Variants in ARHGAP32 observed in about 807,000 individuals in gnomAD.
ARHGAP32 encodes the protein Rho GTPase activating protein 32, also known as rho GTPase-activating protein 32.
ARHGAP32 carries 51 observed loss-of-function variants against 186.5 expected under a neutral mutation model. The ratio of observed to expected loss-of-function variants is 0.27; its 90% confidence interval spans 0.22 to 0.35. The LOEUF is 0.35. Among genes scored for constraint, ARHGAP32 ranks in the 10% least tolerant of loss-of-function variants. The pLI is 1.00. For missense variants in ARHGAP32, 2,186 were observed against 2,623.5 expected (o/e 0.83, Z 3.64); for synonymous variants, 950 against 964.3 (o/e 0.99, Z 0.27).
At chr11:129,163,400 T>C (rs1171629773) in intron 2 of ARHGAP32, among the ~76,000 whole-genome samples, 2 of 152,162 alleles carry the variant, frequency 1.3e-5, no homozygotes, top group Admixed American at 6.6e-5. Flanking sequence ...CTCAAATGTA[T>C]TACGTGAAAA....
At chr11:129,146,965 T>C (rs189063721) in intron 2 of ARHGAP32, among the ~76,000 whole-genome samples, 1 of 152,122 alleles carries the variant, frequency 6.6e-6, no homozygotes, top group East Asian at 1.9e-4. Context: ...TAGATTATTA[T>C]TGAGAAAAAA....
In ARHGAP32 at chr11:129,149,913, A is replaced by G. The variant is rs969945927; in HGVS notation, c.225+14406T>C. On this transcript the variant is annotated intron_variant, in intron 2 of 22. Transcript: ENST00000682385. ...TTTTTAGAAAATACAGGATATAGAT[A>G]GGAAATTCTCCAGAGAAATAGGTAT... Among the ~76,000 whole-genome samples the G allele has an allele frequency of 2.6e-5, 4 of 152,256 alleles. No homozygotes were observed. The South Asian group carries it at 8.3e-4, about 32-fold the overall frequency.
At chr11:129,252,731 T>C (rs958759522) in intron 1 of ARHGAP32, among the ~76,000 whole-genome samples, 5 of 152,156 alleles carry the variant, frequency 3.3e-5, no homozygotes, top group African/African-American at 1.2e-4. Context: ...TAAATGACTA[T>C]TAACCGTAAA....
intron 1 of ARHGAP32, among the ~76,000 whole-genome samples, chr11:129,254,736 A>G (rs1330767979): frequency 1.3e-5 from 2 of 152,144 alleles, no homozygotes; most frequent in African/African-American, 4.8e-5. Flanking sequence ...TGATAAAGGA[A>G]ACAACTGGTT....
At chr11:129,064,176 T>C (rs1332144098) in intron 8 of ARHGAP32, among the ~76,000 whole-genome samples, 152 bp from the exon 9 acceptor site, 2 of 151,158 alleles carry the variant, frequency 1.3e-5, no homozygotes, top group Admixed American at 6.6e-5. Flanking sequence ...AGTAAAAATA[T>C]GCTAGTCATT....
At chr11:129,019,790 C>T (rs998013449) in intron 11 of ARHGAP32, among the ~76,000 whole-genome samples, 2 of 152,014 alleles carry the variant, frequency 1.3e-5, no homozygotes, top group South Asian at 2.1e-4. Flanking sequence ...TCATTGAAAG[C>T]TTTTATTGTT....
At chr11:129,171,979 G>A (rs1943772656) in intron 1 of ARHGAP32, among the ~76,000 whole-genome samples, 1 of 152,090 alleles carries the variant, frequency 6.6e-6, no homozygotes, top group Non-Finnish European at 1.5e-5. Context: ...CTTGCCTATT[G>A]TTGACAAAAA....
chr11:129,093,873 A>G (rs1230732223), intron 5 of ARHGAP32, among the ~76,000 whole-genome samples, 166 bp from the exon 6 acceptor site: 1 of 152,186 alleles, frequency 6.6e-6, no homozygotes, highest in East Asian at 1.9e-4. Flanking sequence ...TGAATGAAGG[A>G]CTTGGTGTTT....
intron 11 of ARHGAP32, among the ~76,000 whole-genome samples, chr11:129,011,273 A>G (rs570413617): frequency 7.2e-5 from 11 of 152,358 alleles, no homozygotes; most frequent in Non-Finnish European, 1.2e-4. Context: ...GAGGCAGAGA[A>G]TGCTAAGTTA....
chr11:128,981,770 G>A (rs1945712487), intron 16 of ARHGAP32, 59 bp downstream of exon 16: 3 of 1,316,688 alleles, frequency 2.3e-6, no homozygotes, highest in Non-Finnish European at 3.2e-6. Context: ...GAACACTGAT[G>A]AATCAGCCTT....
intron 2 of ARHGAP32, 48 bp downstream of exon 2, chr11:129,164,271 T>C (rs1233955943): frequency 3.5e-6 from 4 of 1,146,334 alleles, no homozygotes; most frequent in Non-Finnish European, 5.0e-6. Context: ...ATAAGTGCTA[T>C]ATATACATAT....
chr11:129,266,871 T>C (rs953629394), intron 1 of ARHGAP32, among the ~76,000 whole-genome samples: 32 of 152,058 alleles, frequency 2.1e-4, no homozygotes, highest in African/African-American at 7.5e-4. Context: ...TCCCACCTCT[T>C]CCAGGGTCTG....
intron 1 of ARHGAP32, among the ~76,000 whole-genome samples, chr11:129,259,474 CA>C (rs778608640): frequency 2.0e-5 from 3 of 151,420 alleles, no homozygotes; most frequent in Non-Finnish European, 2.9e-5. Flanking sequence ...CACACACACA[CA>C]AAAAAATACT....
intron 1 of ARHGAP32, among the ~76,000 whole-genome samples, chr11:129,207,751 C>T (rs1944533066): frequency 6.6e-6 from 1 of 151,630 alleles, no homozygotes; most frequent in Non-Finnish European, 1.5e-5. Flanking sequence ...TACAAGCCTT[C>T]TAAAATAAAT....
intron 2 of ARHGAP32, among the ~76,000 whole-genome samples, chr11:129,154,048 T>C (rs1280425529): frequency 6.9e-6 from 1 of 145,824 alleles, no homozygotes; most frequent in Non-Finnish European, 1.5e-5. Context: ...AAAAAAAAAA[T>C]CCCATCACAA....
At chr11:128,973,847 A>C in intron 21 of ARHGAP32, 1 of 533,536 alleles carries the variant, frequency 1.9e-6, no homozygotes, top group Non-Finnish European at 3.3e-6. Context: ...CAGAATCAAG[A>C]GCTACGCAGT....
chr11:129,106,953 G>T (rs1942064229), intron 5 of ARHGAP32, among the ~76,000 whole-genome samples: 1 of 152,064 alleles, frequency 6.6e-6, no homozygotes, highest in South Asian at 2.1e-4. Context: ...CAAATTTGAT[G>T]AAAGACATAA....
intron 21 of ARHGAP32, chr11:128,973,876 G>A (rs547769917): frequency 3.7e-6 from 2 of 541,078 alleles, no homozygotes; most frequent in African/African-American, 1.9e-5. Context: ...AATTATCCAC[G>A]AATTCTCACC....
chr11:129,143,071 G>GTATATATATATATATATATATATATA (rs1943092157), intron 2 of ARHGAP32, among the ~76,000 whole-genome samples: 1 of 32,128 alleles, frequency 3.1e-5, no homozygotes, highest in Non-Finnish European at 6.9e-5. Flanking sequence ...TGGTAAAACT[G>GTATATATATATATATATATATATATA]CATATATATA....
Sources: gnomAD v4.1 joint callset for allele counts (sites outside exome capture counted in the v4.1 genomes callset) on GRCh38, gnomAD v4.1.1 for gene constraint, MANE v1.5 for transcripts, NCBI Gene and HGNC (gene_info 2026-07-23, HGNC 2026-07-21) for gene names.